The following ATF2 variants were observed in gnomAD, a reference collection of about 807,000 sequenced individuals.
The protein encoded by ATF2 is activating transcription factor 2, also known as cyclic AMP-dependent transcription factor ATF-2.
A neutral mutation model predicts 60.6 loss-of-function variants in ATF2; 24 were observed. That is an observed-to-expected ratio of 0.40 (90% CI 0.29 to 0.56). ATF2 has a LOEUF of 0.56. Ranked by LOEUF, ATF2 falls within the 20% of genes least tolerant of loss-of-function variation. ATF2 has a pLI of 0.54. For synonymous variants in ATF2, 206 were observed against 215.4 expected, an observed-to-expected ratio of 0.96 and a Z score of 0.38; for missense variants, 433 against 607.7, an observed-to-expected ratio of 0.71 and a Z score of 3.02.
intron 12 of ATF2, among the ~76,000 whole-genome samples, chr2:175,085,549 A>AACAC (rs1405679496): frequency 1.3e-5 from 1 of 74,778 alleles, no homozygotes; most frequent in Non-Finnish European, 2.6e-5. Context: ...ATAAATACAT[A>AACAC]ACATACACAC....
At chr2:175,159,510 A>C (rs545639533) in intron 1 of ATF2, among the ~76,000 whole-genome samples, 1 of 152,136 alleles carries the variant, frequency 6.6e-6, no homozygotes, top group Non-Finnish European at 1.5e-5. Context: ...GACATGAGAG[A>C]GGTCCTTCAC....
chr2:175,156,381 A>C (rs1444175712), intron 1 of ATF2, among the ~76,000 whole-genome samples: 148 of 100,282 alleles, frequency 1.5e-3, no homozygotes, highest in Admixed American at 0.012. Context: ...AAAAAACAAA[A>C]AAAAAAAAAA....
At chr2:175,145,883 T>TATATAATATATA (rs1698912884) in intron 2 of ATF2, among the ~76,000 whole-genome samples, 1 of 152,166 alleles carries the variant, frequency 6.6e-6, no homozygotes, top group Non-Finnish European at 1.5e-5. Flanking sequence ...GAACCCATAC[T>TATATAATATATA]GATATAAAGG....
At chr2:175,146,025 A>G (rs1329739328) in intron 2 of ATF2, among the ~76,000 whole-genome samples, 3 of 152,218 alleles carry the variant, frequency 2.0e-5, no homozygotes, top group African/African-American at 7.2e-5. Context: ...ACCTTAATCA[A>G]GTGATGTGAC....
At chr2:175,135,508 G>C (rs1698075347) in intron 3 of ATF2, among the ~76,000 whole-genome samples, 1 of 152,154 alleles carries the variant, frequency 6.6e-6, no homozygotes, top group Non-Finnish European at 1.5e-5. Context: ...TATACTGACT[G>C]TATTACTTTC....
chr2:175,142,833 A>AGTGTGTGT (rs1221487320), intron 2 of ATF2, among the ~76,000 whole-genome samples: 3 of 150,098 alleles, frequency 2.0e-5, no homozygotes, highest in African/African-American at 7.5e-5. Context: ...AGCAAGAGAG[A>AGTGTGTGT]GAGTGTGTGT....
chr2:175,116,294 G>A (rs1006547613), intron 7 of ATF2, among the ~76,000 whole-genome samples: 2 of 152,060 alleles, frequency 1.3e-5, no homozygotes, highest in Non-Finnish European at 2.9e-5. Flanking sequence ...AGACATAGAG[G>A]ATGAGATTCA....
intron 11 of ATF2, among the ~76,000 whole-genome samples, chr2:175,094,658 A>G (rs903036105): frequency 3.9e-5 from 6 of 152,212 alleles, no homozygotes; most frequent in Admixed American, 2.0e-4. Context: ...TTTTCACTCT[A>G]ACAAATTCCA....
intron 10 of ATF2, among the ~76,000 whole-genome samples, chr2:175,107,140 A>C (rs1427361715): frequency 6.6e-6 from 1 of 152,162 alleles, no homozygotes; most frequent in Non-Finnish European, 1.5e-5. Flanking sequence ...ATCAATCAAT[A>C]AAAGAAAAAC....
intron 10 of ATF2, among the ~76,000 whole-genome samples, chr2:175,099,350 C>T (rs182298113): frequency 4.6e-4 from 70 of 152,212 alleles, no homozygotes; most frequent in African/African-American, 1.5e-3. Context: ...GTGATCCACC[C>T]TCCTCGGCTC....
chr2:175,159,802 G>A (rs1018906541), intron 1 of ATF2, among the ~76,000 whole-genome samples: 1 of 152,106 alleles, frequency 6.6e-6, no homozygotes. Flanking sequence ...AAAATTTACA[G>A]AGTAATAATT....
chr2:175,147,667 T>C (rs1274877787), intron 2 of ATF2, among the ~76,000 whole-genome samples: 3 of 152,220 alleles, frequency 2.0e-5, no homozygotes, highest in African/African-American at 7.2e-5. Flanking sequence ...TAAAAGTTGC[T>C]TGATGTTACC....
intron 12 of ATF2, among the ~76,000 whole-genome samples, chr2:175,082,838 ATATTT>A (rs1274685344): frequency 6.6e-6 from 1 of 152,226 alleles, no homozygotes; most frequent in Non-Finnish European, 1.5e-5. Context: ...GTCTTGCTAA[ATATTT>A]TATTTAAGTG....
At chr2:175,160,431 C>T (rs1032017770) in intron 1 of ATF2, among the ~76,000 whole-genome samples, 5 of 152,110 alleles carry the variant, frequency 3.3e-5, no homozygotes, top group African/African-American at 1.2e-4. Flanking sequence ...CCCATTAAAA[C>T]AATGATAAGC....
In ATF2 at chr2:175,114,833, T is replaced by C; in HGVS notation, c.483A>G (p.Ser161=). ...VPLAQTAQPT[S]AIVRPASLQV... ...GTAATGATGCTGGACGAACAATAGC[T>C]GATGTGGGCTGTGCAGTTTGTGCCA... is the stretch of plus-strand genomic sequence containing the variant. The change falls in exon 8 of 14, where the codon TCA becomes TCG. Residue 161 remains serine, a synonymous_variant. Coordinates refer to ENST00000264110, the MANE Select transcript of ATF2 (RefSeq NM_001880.4). 6.2e-7 allele frequency: 1 copy of C among 1,613,946 alleles called. No individual in the cohort carries two copies. The highest frequency in any genetic ancestry group is 8.5e-7 in the Non-Finnish European group (1 of 1,179,876).
chr2:175,156,377 C>CAAAAAAAA (rs57399474), intron 1 of ATF2, among the ~76,000 whole-genome samples: 12 of 56,016 alleles, frequency 2.1e-4, no homozygotes, highest in Non-Finnish European at 4.0e-4. Flanking sequence ...TCTCAAAAAA[C>CAAAAAAAA]AAAAAAAAAA....
chr2:175,076,710 C>A (rs1005431981), intron 13 of ATF2, among the ~76,000 whole-genome samples: 1 of 150,482 alleles, frequency 6.6e-6, no homozygotes, highest in Non-Finnish European at 1.5e-5. Flanking sequence ...GGAGGGAATA[C>A]TAAAAAGCTC....
intron 11 of ATF2, among the ~76,000 whole-genome samples, chr2:175,093,907 C>G (rs1404676732): frequency 6.6e-6 from 1 of 152,072 alleles, no homozygotes; most frequent in Non-Finnish European, 1.5e-5. Flanking sequence ...CCCACAGGAG[C>G]CTTAATTTTC....
chr2:175,109,518 AG>A (rs1451582949), intron 10 of ATF2, among the ~76,000 whole-genome samples: 2 of 152,222 alleles, frequency 1.3e-5, no homozygotes, highest in Non-Finnish European at 2.9e-5. Context: ...TAAAAGAAAC[AG>A]TTATTCAGGT....
Sources: allele counts gnomAD v4.1 joint callset (sites outside exome capture counted in the v4.1 genomes callset), GRCh38; gene constraint gnomAD v4.1.1; transcripts MANE v1.5; gene names NCBI Gene and HGNC (gene_info 2026-07-23, HGNC 2026-07-21).